CREB5: variants seen among roughly 807,000 people sequenced by gnomAD.
CREB5 encodes the protein cyclic AMP-responsive element-binding protein 5.
In CREB5, 19 loss-of-function variants were observed where a neutral mutation model predicts 57.1. That is an observed-to-expected ratio of 0.33 (90% CI 0.23 to 0.49). The LOEUF (loss-of-function observed/expected upper bound fraction) is 0.49. Ranked by LOEUF, CREB5 falls within the 20% of genes least tolerant of loss-of-function variation. The pLI, the probability that CREB5 is intolerant of heterozygous loss-of-function variation, is 0.99. For synonymous variants in CREB5, 238 were observed against 238.3 expected, an observed-to-expected ratio of 1.00 and a Z score of 0.01; for missense variants, 579 against 671.6, an observed-to-expected ratio of 0.86 and a Z score of 1.52.
chr7:28,575,698 G>A (rs1197986056), intron 5 of CREB5, among the ~76,000 whole-genome samples: 2 of 152,164 alleles, frequency 1.3e-5, no homozygotes, highest in African/African-American at 4.8e-5. Context: ...TTTGTGTTTT[G>A]CTGAATATCA....
chr7:28,665,410 A>C (rs1169722608), intron 5 of CREB5, among the ~76,000 whole-genome samples: 1 of 152,176 alleles, frequency 6.6e-6, no homozygotes, highest in Admixed American at 6.5e-5. Flanking sequence ...ATGAGTCCAA[A>C]TTGCTAATAA....
intron 4 of CREB5, among the ~76,000 whole-genome samples, chr7:28,539,180 C>T (rs868293280): frequency 7.2e-5 from 11 of 152,294 alleles, no homozygotes; most frequent in South Asian, 4.1e-4. Context: ...GGTCCTGTGA[C>T]CATTCAATTT....
intron 7 of CREB5, among the ~76,000 whole-genome samples, chr7:28,742,498 G>A (rs1341630013): frequency 1.7e-4 from 26 of 151,868 alleles, no homozygotes; most frequent in African/African-American, 5.8e-4. Context: ...CCTGGGAGGC[G>A]GAGCTTGCAG....
chr7:28,361,579 G>C (rs1786484714), intron 1 of CREB5, among the ~76,000 whole-genome samples: 1 of 152,230 alleles, frequency 6.6e-6, no homozygotes, highest in Admixed American at 6.5e-5. Flanking sequence ...ACATGCAGCA[G>C]TTTGCTGACC....
intron 5 of CREB5, among the ~76,000 whole-genome samples, chr7:28,717,510 T>A (rs540379437): frequency 6.6e-6 from 1 of 152,268 alleles, no homozygotes; most frequent in Admixed American, 6.5e-5. Flanking sequence ...ATCTTCCACT[T>A]TTCATGGGAG....
chr7:28,705,714 G>T (rs1264553157), intron 5 of CREB5, among the ~76,000 whole-genome samples: 5 of 152,204 alleles, frequency 3.3e-5, no homozygotes, highest in African/African-American at 1.2e-4. Context: ...GAATAGGACT[G>T]TCTGAGGAAT....
At chr7:28,487,669 C>T (rs1791624731) in intron 1 of CREB5, among the ~76,000 whole-genome samples, 1 of 152,168 alleles carries the variant, frequency 6.6e-6, no homozygotes, top group Admixed American at 6.5e-5. Flanking sequence ...CTTGGGAATG[C>T]TGAAGCTTGC....
chr7:28,587,270 A>G (rs1444468717), intron 5 of CREB5, among the ~76,000 whole-genome samples: 3 of 152,230 alleles, frequency 2.0e-5, no homozygotes, highest in Admixed American at 6.5e-5. Context: ...GTTTGCTGCT[A>G]ATGACATTTG....
chr7:28,589,687 C>G (rs955425708), intron 5 of CREB5, among the ~76,000 whole-genome samples: 1 of 152,194 alleles, frequency 6.6e-6, no homozygotes, highest in East Asian at 1.9e-4. Context: ...TGTGATTTTC[C>G]TTTCTAGAGT....
At chr7:28,306,686 G>T (rs1302884663) in intron 1 of CREB5, among the ~76,000 whole-genome samples, 1 of 145,086 alleles carries the variant, frequency 6.9e-6, no homozygotes, top group Non-Finnish European at 1.5e-5. Context: ...TCAGCCTCCC[G>T]AGTAGCTGGG....
intron 7 of CREB5, among the ~76,000 whole-genome samples, chr7:28,735,072 C>T (rs1337667120): frequency 6.6e-6 from 1 of 152,114 alleles, no homozygotes; most frequent in Admixed American, 6.5e-5. Context: ...TTCTCTAAGA[C>T]TAAATGCATG....
chr7:28,808,064 G>A (rs1562655114), intron 8 of CREB5, among the ~76,000 whole-genome samples: 1 of 152,212 alleles, frequency 6.6e-6, no homozygotes, highest in Non-Finnish European at 1.5e-5. Flanking sequence ...TCCTTCTAAT[G>A]TAACTGTATG....
At chr7:28,514,855 G>A (rs1273985932) in intron 4 of CREB5, among the ~76,000 whole-genome samples, 2 of 152,174 alleles carry the variant, frequency 1.3e-5, no homozygotes, top group African/African-American at 4.8e-5. Context: ...GGGTGTTATC[G>A]GAGGTGCTAA....
chr7:28,754,593 G>T (rs934562904), intron 7 of CREB5, among the ~76,000 whole-genome samples: 2 of 152,188 alleles, frequency 1.3e-5, no homozygotes, highest in Admixed American at 1.3e-4. Flanking sequence ...GGTTAAAGAT[G>T]CATGTCAGTT....
At position 28,543,320 on chromosome 7, in the gene CREB5, C is replaced by T. The variant is rs530777082; in HGVS notation, c.292-27045C>T. 3.9e-5 allele frequency among the ~76,000 whole-genome samples: 6 copies of T among 152,108 alleles called. No homozygotes were observed. The South Asian group carries it at 1.2e-3, about 32-fold the overall frequency. Reference sequence around the variant, plus strand: ...GTTAATGGTTTCTTTCATATCATTCCAAAAAATGTATTCATATACTAAAAC... The same window carrying T: ...GTTAATGGTTTCTTTCATATCATTCTAAAAAATGTATTCATATACTAAAAC... On this transcript the variant is annotated intron_variant, in intron 4 of 10. Transcript: ENST00000357727.
chr7:28,806,426 T>C (rs1339917051), intron 8 of CREB5, among the ~76,000 whole-genome samples: 1 of 152,200 alleles, frequency 6.6e-6, no homozygotes, highest in Non-Finnish European at 1.5e-5. Flanking sequence ...TGTATGATTA[T>C]CTGAAAGTAG....
intron 1 of CREB5, among the ~76,000 whole-genome samples, chr7:28,464,986 T>C (rs1450776850): frequency 6.6e-6 from 1 of 152,220 alleles, no homozygotes; most frequent in African/African-American, 2.4e-5. Context: ...TGCACTCAGA[T>C]AACCTGGACA....
chr7:28,738,667 A>T (rs2128755501), intron 7 of CREB5, among the ~76,000 whole-genome samples: 1 of 152,294 alleles, frequency 6.6e-6, no homozygotes, highest in East Asian at 1.9e-4. Flanking sequence ...TCTACAAGCG[A>T]GTTGTTCCTG....
intron 1 of CREB5, among the ~76,000 whole-genome samples, chr7:28,440,768 A>G (rs1282292574): frequency 6.6e-6 from 1 of 152,194 alleles, no homozygotes; most frequent in African/African-American, 2.4e-5. Context: ...TCAACTGCAC[A>G]CAAGACAGGG....
Sources: allele counts gnomAD v4.1 joint callset (sites outside exome capture counted in the v4.1 genomes callset), GRCh38; gene constraint gnomAD v4.1.1; transcripts MANE v1.5; gene names NCBI Gene and HGNC (gene_info 2026-07-23, HGNC 2026-07-21).